ITPK1: variants seen among roughly 807,000 people sequenced by gnomAD.
The protein encoded by ITPK1 is inositol 1,3,4-trisphosphate 5/6-kinase.
A neutral mutation model predicts 45.3 loss-of-function variants in ITPK1; 21 were observed. That is an observed-to-expected ratio of 0.46 (90% CI 0.33 to 0.67). The LOEUF (loss-of-function observed/expected upper bound fraction) is 0.67, where lower values mean the gene tolerates loss of function less well. Ranked by LOEUF, ITPK1 falls within the 30% of genes least tolerant of loss-of-function variation. The pLI, the probability that ITPK1 is intolerant of heterozygous loss-of-function variation, is 0.02. For missense variants in ITPK1, 474 were observed against 573.5 expected, an observed-to-expected ratio of 0.83 and a Z score of 1.77; for synonymous variants, 258 against 253.6, an observed-to-expected ratio of 1.02 and a Z score of -0.16.
chr14:92,952,168 T>C (rs1887988426), intron 8 of ITPK1, among the ~76,000 whole-genome samples, 155 bp from the exon 9 acceptor site: 1 of 152,220 alleles, frequency 6.6e-6, no homozygotes, highest in Non-Finnish European at 1.5e-5. Flanking sequence ...GCACCAGCCC[T>C]GGGCACGGAT....
intron 4 of ITPK1, among the ~76,000 whole-genome samples, chr14:92,997,879 G>T (rs1887141688): frequency 6.6e-6 from 1 of 152,194 alleles, no homozygotes; most frequent in Admixed American, 6.5e-5. Context: ...GTTTTCAGAG[G>T]CCCCAAGCCC....
At chr14:92,990,936 C>A (rs1400142712) in intron 5 of ITPK1, among the ~76,000 whole-genome samples, 1 of 152,200 alleles carries the variant, frequency 6.6e-6, no homozygotes, top group African/African-American at 2.4e-5. Flanking sequence ...AAGCACCCAC[C>A]CGTCCCCCAC....
intron 2 of ITPK1, among the ~76,000 whole-genome samples, chr14:93,114,420 C>T (rs1013183945): frequency 2.0e-5 from 3 of 152,346 alleles, no homozygotes; most frequent in African/African-American, 7.2e-5. Context: ...GCTGCGGGAC[C>T]CCAAGCTAGG....
chr14:93,099,118 T>G (rs1892206142), intron 2 of ITPK1, among the ~76,000 whole-genome samples: 1 of 152,082 alleles, frequency 6.6e-6, no homozygotes, highest in African/African-American at 2.4e-5. Flanking sequence ...CGGGTGGAAA[T>G]AGTCCAGCAT....
intron 3 of ITPK1, among the ~76,000 whole-genome samples, chr14:93,037,194 C>T (rs79950451): frequency 0.014 from 2,164 of 152,296 alleles, 51 homozygotes; most frequent in African/African-American, 0.049. Flanking sequence ...CCTCTGACCC[C>T]GGGACAATGG....
chr14:93,093,387 G>A (rs1340500985), intron 2 of ITPK1, among the ~76,000 whole-genome samples: 1 of 152,162 alleles, frequency 6.6e-6, no homozygotes, highest in Non-Finnish European at 1.5e-5. Context: ...CCTGGCGTGG[G>A]GTGATGTAGC....
At chr14:93,108,486 G>C (rs1446240305) in intron 2 of ITPK1, among the ~76,000 whole-genome samples, 2 of 152,208 alleles carry the variant, frequency 1.3e-5, no homozygotes, top group African/African-American at 2.4e-5. Context: ...TAGAAACATT[G>C]ATGCCCATCC....
Position 92,993,869 on chromosome 14 carries a change from C to A in ITPK1, c.364+11G>T, listed in dbSNP as rs774794242. Reference sequence around the variant, plus strand: ...TGCCTGCCACGGATGTGGTGCCACACGTGTCCCTACCTTCCATGTAGGCCT... The same window carrying A: ...TGCCTGCCACGGATGTGGTGCCACAAGTGTCCCTACCTTCCATGTAGGCCT... On this transcript the variant is annotated intron_variant, in intron 5 of 10. Coordinates refer to ENST00000267615, the MANE Select transcript of ITPK1 (RefSeq NM_014216.6). The A allele has an allele frequency of 3.9e-6, 6 of 1,550,772 alleles. No individual in the cohort carries two copies. Among genetic ancestry groups the A allele is most frequent in the Non-Finnish European group, 4.5e-6 (5 of 1,122,246 alleles).
chr14:93,081,002 A>C (rs1204745834), intron 2 of ITPK1, among the ~76,000 whole-genome samples: 1 of 150,692 alleles, frequency 6.6e-6, no homozygotes, highest in Non-Finnish European at 1.5e-5. Flanking sequence ...GAGCCACTGC[A>C]CCCAGCCTAC....
intron 5 of ITPK1, among the ~76,000 whole-genome samples, chr14:92,975,074 G>A (rs772191128): frequency 1.3e-5 from 2 of 152,226 alleles, no homozygotes; most frequent in Non-Finnish European, 2.9e-5. Flanking sequence ...GGGCAAGGGA[G>A]AACTCGGGAG....
At chr14:93,091,383 A>G (rs1462714351) in intron 2 of ITPK1, among the ~76,000 whole-genome samples, 2 of 152,208 alleles carry the variant, frequency 1.3e-5, no homozygotes, top group African/African-American at 4.8e-5. Flanking sequence ...CAGGCCAGGA[A>G]GCCCAGCCCA....
chr14:92,952,360 C>T (rs536636518), intron 8 of ITPK1, among the ~76,000 whole-genome samples: 108 of 152,276 alleles, frequency 7.1e-4, no homozygotes, highest in African/African-American at 2.5e-3. Context: ...CAGCTAAACA[C>T]CTGAATATCA....
chr14:93,056,118 C>T (rs561396866), intron 3 of ITPK1, among the ~76,000 whole-genome samples: 223 of 152,270 alleles, frequency 1.5e-3, no homozygotes, highest in African/African-American at 5.3e-3. Flanking sequence ...CAGAGTTCCC[C>T]AGATAGAGAA....
At chr14:93,066,878 A>C (rs1890779438) in intron 3 of ITPK1, among the ~76,000 whole-genome samples, 1 of 152,152 alleles carries the variant, frequency 6.6e-6, no homozygotes, top group Non-Finnish European at 1.5e-5. Flanking sequence ...TTCTGCGCCC[A>C]GCTGGACAAG....
At chr14:93,005,382 G>A (rs139597622) in intron 4 of ITPK1, among the ~76,000 whole-genome samples, 115 of 152,254 alleles carry the variant, frequency 7.6e-4, no homozygotes, top group African/African-American at 2.7e-3. Context: ...CATGGAGTGC[G>A]GAAGAGAAAA....
At chr14:92,987,407 C>T (rs1886544366) in intron 5 of ITPK1, among the ~76,000 whole-genome samples, 1 of 152,170 alleles carries the variant, frequency 6.6e-6, no homozygotes, top group Admixed American at 6.5e-5. Flanking sequence ...AGAGCCCGGC[C>T]AGCAGGACTG....
At chr14:93,007,250 G>A (rs1308635947) in intron 4 of ITPK1, among the ~76,000 whole-genome samples, 1 of 152,184 alleles carries the variant, frequency 6.6e-6, no homozygotes, top group East Asian at 1.9e-4. Context: ...CTGCTCAGGT[G>A]GGCCTATGCA....
chr14:92,963,476 G>A (rs751670978), intron 5 of ITPK1, among the ~76,000 whole-genome samples: 4 of 152,216 alleles, frequency 2.6e-5, no homozygotes, highest in Non-Finnish European at 5.9e-5. Flanking sequence ...CTCACCTGCA[G>A]ACTACTTAAC....
chr14:92,945,625 C>T (rs1678786914), intron 10 of ITPK1, among the ~76,000 whole-genome samples: 1 of 152,208 alleles, frequency 6.6e-6, no homozygotes, highest in South Asian at 2.1e-4. Flanking sequence ...GCCACTGAGC[C>T]TTGGTGTCCC....
Sources: allele counts gnomAD v4.1 joint callset (sites outside exome capture counted in the v4.1 genomes callset), GRCh38; gene constraint gnomAD v4.1.1; transcripts MANE v1.5; gene names NCBI Gene and HGNC (gene_info 2026-07-23, HGNC 2026-07-21).